GLRX5: variants seen among roughly 807,000 people sequenced by gnomAD.
GLRX5 encodes glutaredoxin-related protein 5, mitochondrial.
GLRX5 carries 10 observed loss-of-function variants against 13.8 expected under a neutral mutation model. The observed-to-expected ratio is 0.72, with a 90% CI of 0.45 to 1.23. GLRX5 has a LOEUF of 1.23. GLRX5 is among the 50% of genes most tolerant of loss of function. The probability of loss-of-function intolerance (pLI) is 0.00; values close to 1 mark genes in which losing one functional copy is unlikely to be tolerated. For synonymous variants in GLRX5, 98 were observed against 101.1 expected (o/e 0.97, Z 0.18); for missense variants, 233 against 215.2 (o/e 1.08, Z -0.52).
Position 95,539,524 on chromosome 14 carries a change from A to G in GLRX5, c.295+4140A>G, listed in dbSNP as rs368522495. 3.3e-5 allele frequency among the ~76,000 whole-genome samples: 5 copies of G among 152,244 alleles called. No individual in the cohort carries two copies. The East Asian group carries it at 5.8e-4, about 18-fold the overall frequency. On this transcript the variant is annotated intron_variant, in intron 1 of 1. Coordinates refer to ENST00000331334, the MANE Select transcript of GLRX5 (RefSeq NM_016417.3). ...AATACCATTTGTATATGTAAATGTT[A>G]AAGGCATAAAACAGTCCCATATATT... is the stretch of plus-strand genomic sequence containing the variant.
intron 1 of GLRX5, among the ~76,000 whole-genome samples, chr14:95,537,821 T>C (rs1891406231): frequency 6.6e-6 from 1 of 152,224 alleles, no homozygotes; most frequent in Non-Finnish European, 1.5e-5. Context: ...ATCTTGAGAC[T>C]GTGACCCAAG....
rs1477722723 is a variant in GLRX5 at position 95,536,904 on chromosome 14, T to A, written c.295+1520T>A. ...TCAAATTACCACGTATATGTAATAT[T>A]ACCATGTGTTATTCTCATGACCCTT... On this transcript the variant is annotated intron_variant, in intron 1 of 1. Transcript: ENST00000331334. Among the ~76,000 whole-genome samples, 3 of 152,200 alleles carry A rather than the reference T, an allele frequency of 2.0e-5. No homozygotes were observed. In the South Asian group the frequency reaches 6.2e-4, roughly 32 times the overall value.
chr14:95,538,796 T>C (rs1452233205), intron 1 of GLRX5, among the ~76,000 whole-genome samples: 1 of 152,252 alleles, frequency 6.6e-6, no homozygotes, highest in East Asian at 1.9e-4. Flanking sequence ...AAGTCAGTCA[T>C]GGGCAATATG....
rs771714322 is a variant in GLRX5, at chr14:95,544,148, C to T, written c.*23C>T. 3 of 1,605,546 alleles carry T rather than the reference C, an allele frequency of 1.9e-6. No homozygotes were observed. Among genetic ancestry groups the T allele is most frequent in the Non-Finnish European group, 1.7e-6 (2 of 1,173,412 alleles). On this transcript the variant is annotated 3_prime_UTR_variant, in exon 2 of 2. Coordinates refer to ENST00000331334, the MANE Select transcript of GLRX5 (RefSeq NM_016417.3). ...TGAGGGCGGCCAAGTCCTCGCTGAGCAGAGAGGGAGCCGTTCATGTCAGAG... is the reference window on the plus strand; with the variant it reads ...TGAGGGCGGCCAAGTCCTCGCTGAGTAGAGAGGGAGCCGTTCATGTCAGAG...
At position 95,544,191 on chromosome 14, in the gene GLRX5, C is replaced by G. The variant is rs1595284811; in HGVS notation, c.*66C>G. 4 of 1,447,922 alleles carry G rather than the reference C, an allele frequency of 2.8e-6. No homozygotes were observed. The African/African-American group carries it at 4.2e-5, about 15-fold the overall frequency. 89.7% of individuals were successfully genotyped at this position (1,447,922 alleles called of 1,614,324 possible). ...TGTCAGAGACTCACTGCCAGAAAAG[C>G]CTTACCCATTTTGGTTTTCACTATT... On this transcript the variant is annotated 3_prime_UTR_variant, in exon 2 of 2. Transcript: ENST00000331334.
In GLRX5 at chr14:95,535,054, GC is replaced by G; in HGVS notation, c.-33del. 1.5e-6 allele frequency: 2 copies of G among 1,321,856 alleles called. No individual in the cohort carries two copies. The highest frequency in any genetic ancestry group is 2.0e-6 in the Non-Finnish European group (2 of 1,024,644). The allele number at this position is 1,321,856 out of a possible 1,614,324, so 81.9% of individuals were successfully genotyped here. On this transcript the variant is annotated 5_prime_UTR_variant, in exon 1 of 2. Transcript: ENST00000331334. ...GAGCGCTCTGGGTGGCCAGCTGTGGGCCCGGGCCGTCGTGGGCTCCGGCTTG... is the reference window on the plus strand; with the variant it reads ...GAGCGCTCTGGGTGGCCAGCTGTGGGCCGGGCCGTCGTGGGCTCCGGCTTG...
chr14:95,544,009 G>C lies in GLRX5; in HGVS notation c.358G>C (p.Gly120Arg). ...PQVYLNGEFV[G>R]GCDILLQMHQ... ...AGTGTACCTCAATGGCGAGTTTGTA[G>C]GGGGCTGTGACATTCTTCTGCAGAT... is the stretch of plus-strand genomic sequence containing the variant. The change falls in exon 2 of 2, where the codon GGG becomes CGG. Residue 120 changes from glycine (G) to arginine (R), a missense_variant. Transcript: ENST00000331334. The C allele has an allele frequency of 6.2e-7, 1 of 1,614,118 alleles. No homozygotes were observed. The highest frequency in any genetic ancestry group is 8.5e-7 in the Non-Finnish European group (1 of 1,179,936).
chr14:95,542,099 G>A (rs895991564), intron 1 of GLRX5, among the ~76,000 whole-genome samples: 1 of 152,136 alleles, frequency 6.6e-6, no homozygotes, highest in Non-Finnish European at 1.5e-5. Context: ...TTTGTAATCG[G>A]CATCATTGTA....
intron 1 of GLRX5, among the ~76,000 whole-genome samples, chr14:95,539,707 G>A (rs896413285): frequency 2.0e-5 from 3 of 152,084 alleles, no homozygotes; most frequent in Non-Finnish European, 4.4e-5. Flanking sequence ...GTTTCACTGC[G>A]CTGTCACTGT....
intron 1 of GLRX5, among the ~76,000 whole-genome samples, chr14:95,539,828 T>G (rs533236136): frequency 6.6e-6 from 1 of 152,308 alleles, no homozygotes; most frequent in South Asian, 2.1e-4. Context: ...AATAAGATTA[T>G]TTTTGTAAAA....
At position 95,535,396 on chromosome 14, in the gene GLRX5, G is replaced by A; in HGVS notation, c.295+12G>A. On this transcript the variant is annotated intron_variant, in intron 1 of 1. Transcript: ENST00000331334. ...GGAGCTCCGACAAGGTCAGGCCAGT[G>A]TGCCGGGCAGGCGCCCTCCGCCCCG... 1 of 1,545,800 alleles carries A rather than the reference G, an allele frequency of 6.5e-7. No individual in the cohort carries two copies. The highest frequency in any genetic ancestry group is 8.7e-7 in the Non-Finnish European group (1 of 1,145,606).
At chr14:95,539,567 G>A (rs988271337) in intron 1 of GLRX5, among the ~76,000 whole-genome samples, 1 of 152,196 alleles carries the variant, frequency 6.6e-6, no homozygotes, top group Non-Finnish European at 1.5e-5. Flanking sequence ...TGTGTGCAGT[G>A]CACTTGTAGC....
At position 95,543,957 on chromosome 14, in the gene GLRX5, C is replaced by T. The variant is rs61729799; in HGVS notation, c.306C>T (p.Asp102=). The change falls in exon 2 of 2, where the codon GAC becomes GAT. Residue 102 remains aspartate (D), a synonymous_variant. Coordinates refer to ENST00000331334, the MANE Select transcript of GLRX5 (RefSeq NM_016417.3). ...GTTCTTTCTCCATAGGCATTAAAGACTATTCCAACTGGCCCACCATCCCGC... is the reference window on the plus strand; with the variant it reads ...GTTCTTTCTCCATAGGCATTAAAGATTATTCCAACTGGCCCACCATCCCGC... ...DDPELRQGIK[D]YSNWPTIPQV... is the part of the protein sequence containing the mutation. 227 of 1,613,144 alleles carry T rather than the reference C, an allele frequency of 1.4e-4. No individual in the cohort carries two copies. The African/African-American group carries it at 2.7e-3, about 19-fold the overall frequency.
rs1303433917 is a variant in GLRX5 at position 95,536,376 on chromosome 14, T to G, written c.295+992T>G. Among the ~76,000 whole-genome samples the G allele has an allele frequency of 2.6e-5, 4 of 152,204 alleles. No homozygotes were observed. The East Asian group carries it at 7.7e-4, about 29-fold the overall frequency. ...CTTCTAGAGAGTGACTTAGGATACC[T>G]GCATCCCAGTTAGAGACTTTCAGTG... On this transcript the variant is annotated intron_variant, in intron 1 of 1. Transcript: ENST00000331334.
chr14:95,539,203 G>C (rs1285274461), intron 1 of GLRX5, among the ~76,000 whole-genome samples: 1 of 152,178 alleles, frequency 6.6e-6, no homozygotes, highest in African/African-American at 2.4e-5. Flanking sequence ...ACCCTTCCCT[G>C]GTCCGTGGAA....
intron 1 of GLRX5, among the ~76,000 whole-genome samples, chr14:95,540,171 G>A (rs919833348): frequency 4.6e-5 from 7 of 152,196 alleles, no homozygotes; most frequent in Non-Finnish European, 1.0e-4. Flanking sequence ...GATTACAGGT[G>A]TGAGCCACCG....
intron 1 of GLRX5, among the ~76,000 whole-genome samples, chr14:95,537,540 C>T (rs1376374610): frequency 6.6e-6 from 1 of 152,202 alleles, no homozygotes; most frequent in Non-Finnish European, 1.5e-5. Flanking sequence ...TTAGTTCAGC[C>T]AGGTTATTAA....
rs960201349 is a variant in GLRX5, at chr14:95,535,439, G to T, written c.295+55G>T. ...CCGCCCCGGGCCCAGGAGCATCGCT[G>T]CACGAGGCCGAGGGGTTCCGCCGCG... On this transcript the variant is annotated intron_variant, in intron 1 of 1. Transcript: ENST00000331334. 5 of 1,489,362 alleles carry T rather than the reference G, an allele frequency of 3.4e-6. No homozygotes were observed. In the Admixed American group the frequency reaches 5.9e-5, roughly 18 times the overall value. The allele number at this position is 1,489,362 out of a possible 1,614,324, so 92.3% of individuals were successfully genotyped here. A position where few individuals can be genotyped will look rare whatever the true frequency, so the allele number is the denominator to read the frequency against.
At chr14:95,543,810 C>T in intron 1 of GLRX5, 137 bp from the exon 2 acceptor site, 1 of 746,092 alleles carries the variant, frequency 1.3e-6, no homozygotes. Context: ...TAGTGGCAAG[C>T]ACAGTGTTCT....
Sources: gnomAD v4.1 joint callset for allele counts (sites outside exome capture counted in the v4.1 genomes callset) on GRCh38, gnomAD v4.1.1 for gene constraint, MANE v1.5 for transcripts, NCBI Gene and HGNC (gene_info 2026-07-23, HGNC 2026-07-21) for gene names.